The following NPHP3 variants were observed in gnomAD, a reference collection of about 807,000 sequenced individuals.
NPHP3 encodes the protein nephrocystin-3.
NPHP3 carries 123 observed loss-of-function variants against 171.9 expected under a neutral mutation model. The observed-to-expected ratio is 0.72, with a 90% confidence interval of 0.62 to 0.83. The LOEUF is 0.83. Ranked by LOEUF, NPHP3 falls within the 40% of genes least tolerant of loss-of-function variation. NPHP3 has a pLI of 0.00. For missense variants in NPHP3, 1,506 were observed against 1,591.9 expected (o/e 0.95, Z 0.92); for synonymous variants, 558 against 579.2 (o/e 0.96, Z 0.52).
intron 13 of NPHP3, among the ~76,000 whole-genome samples, chr3:132,698,249 G>T (rs1340181352): frequency 2.0e-5 from 3 of 152,060 alleles, no homozygotes; most frequent in African/African-American, 4.8e-5. Flanking sequence ...AAAGTGTTGG[G>T]ATTACAGGCA....
At chr3:132,694,777 C>A (rs1001475010) in intron 16 of NPHP3, 50 bp downstream of exon 16, 3 of 1,596,592 alleles carry the variant, frequency 1.9e-6, no homozygotes, top group Non-Finnish European at 2.6e-6. Flanking sequence ...TCCATTCACA[C>A]ACACACAAAG....
rs146890274 is a variant in NPHP3 at position 132,686,308 on chromosome 3, C to T, written c.3281G>A (p.Arg1094Gln). ...GAGAACACCCAGTTCATTGAGGGTC[C>T]GAGCATTATCAGGTGTGTCCTTACC... Reference protein sequence around the residue: ...TLGKDTPDNARTLNELGVLYY... With the variant: ...TLGKDTPDNAQTLNELGVLYY... Residue 1094 changes from arginine (R) to glutamine (Q), a missense_variant, in exon 23 of 27, where the codon CGG becomes CAG. Transcript: ENST00000337331. The T allele has an allele frequency of 9.2e-4, 1,487 of 1,613,696 alleles. No individual in the cohort carries two copies. Among genetic ancestry groups the T allele is most frequent in the Non-Finnish European group, 1.2e-3 (1,410 of 1,179,746 alleles).
At chr3:132,689,036 C>T (rs2107967906) in intron 20 of NPHP3, 38 bp downstream of exon 20, 2 of 1,613,410 alleles carry the variant, frequency 1.2e-6, no homozygotes, top group South Asian at 2.2e-5. Context: ...ACAAAAATCC[C>T]ACCTGTCTCT....
Position 132,722,404 on chromosome 3 carries a change from CGG to C in NPHP3, c.-51_-50del, listed in dbSNP as rs755124945. On this transcript the variant is annotated 5_prime_UTR_variant, in exon 1 of 27. Coordinates refer to ENST00000337331, the MANE Select transcript of NPHP3 (RefSeq NM_153240.5). ...AGTGAGTACCAGCAGGACTGGGCAG[CGG>C]AACGGAACGGGACGGGGTGGGGCAG... The C allele has an allele frequency of 1.3e-6, 2 of 1,511,956 alleles. No homozygotes were observed. The highest frequency in any genetic ancestry group is 1.8e-6 in the Non-Finnish European group (2 of 1,134,474). 93.7% of individuals were successfully genotyped at this position (1,511,956 alleles called of 1,614,324 possible).
Position 132,713,153 on chromosome 3 carries a change from ATAAC to A in NPHP3, c.1087_1090del (p.Val363PhefsTer6), listed in dbSNP as rs1576682880. 6.1e-6 allele frequency: 9 copies of A among 1,486,364 alleles called. No individual in the cohort carries two copies. The highest frequency in any genetic ancestry group is 8.3e-6 in the Non-Finnish European group (9 of 1,078,052). 92.1% of individuals were successfully genotyped at this position (1,486,364 alleles called of 1,614,324 possible). A position where few individuals can be genotyped will look rare whatever the true frequency, so the allele number is the denominator to read the frequency against. On this transcript the variant is annotated frameshift_variant, in exon 6 of 27. Transcript: ENST00000337331. LOFTEE classifies it high-confidence loss of function. ...TGGTAATGTTAAGTGAATAAATAAAATAACTAAAGAACTTTTCTCAATTTCCCAT... is the reference window on the plus strand; with the variant it reads ...TGGTAATGTTAAGTGAATAAATAAAATAAAGAACTTTTCTCAATTTCCCAT...
chr3:132,700,561 G>A (rs1576672834), intron 10 of NPHP3, 113 bp from the exon 11 acceptor site: 1 of 597,576 alleles, frequency 1.7e-6, no homozygotes, highest in Admixed American at 3.2e-5. Context: ...GCAATCAGGT[G>A]GTCAGTTACT....
intron 25 of NPHP3, 117 bp downstream of exon 25, chr3:132,683,282 A>G (rs1170409852): frequency 1.0e-6 from 1 of 965,854 alleles, no homozygotes; most frequent in South Asian, 1.4e-5. Flanking sequence ...AGGAAGTATT[A>G]GAAATATCCT....
At chr3:132,712,639 G>A (rs1332831012) in intron 6 of NPHP3, among the ~76,000 whole-genome samples, 3 of 152,040 alleles carry the variant, frequency 2.0e-5, no homozygotes, top group Non-Finnish European at 1.5e-5. Flanking sequence ...GGTGGTGGGC[G>A]CCTATAGTCC....
chr3:132,692,291 A>G (rs1400305983), intron 17 of NPHP3, among the ~76,000 whole-genome samples: 1 of 152,208 alleles, frequency 6.6e-6, no homozygotes, highest in Non-Finnish European at 1.5e-5. Flanking sequence ...ACATATCCCC[A>G]TTGTTAAGCA....
Position 132,695,043 on chromosome 3 carries a change from C to T in NPHP3, c.2172-78G>A, listed in dbSNP as rs79047540. The T allele has an allele frequency of 0.064, 88,655 of 1,392,882 alleles. 3,189 individuals are homozygous for T. Among genetic ancestry groups the T allele is most frequent in the African/African-American group, 0.11 (7,722 of 70,558 alleles). The allele number at this position is 1,392,882 out of a possible 1,614,324, so 86.3% of individuals were successfully genotyped here. ...AAATTTTGAGATCGATTAAAAACAA[C>T]GTGAACTCTATTTTTTGTACTGCAA... On this transcript the variant is annotated intron_variant, in intron 15 of 26. Coordinates refer to ENST00000337331, the MANE Select transcript of NPHP3 (RefSeq NM_153240.5).
At position 132,681,899 on chromosome 3, in the gene NPHP3, A is replaced by G. The variant is rs1433937574; in HGVS notation, c.*11T>C. The stretch of plus-strand genomic sequence containing the variant: ...TTAAGGTACATTTGCAAAGAATTCT[A>G]ACTGCTGCTATTACCTTTGTCCTTG... On this transcript the variant is annotated 3_prime_UTR_variant, in exon 27 of 27. Transcript: ENST00000337331. 6.2e-7 allele frequency: 1 copy of G among 1,610,102 alleles called. No individual in the cohort carries two copies. Among genetic ancestry groups the G allele is most frequent in the East Asian group, 2.2e-5 (1 of 44,838 alleles).
In NPHP3 at chr3:132,682,035, T is replaced by A; in HGVS notation, c.3868A>T (p.Ile1290Leu). 6.2e-7 allele frequency: 1 copy of A among 1,614,138 alleles called. No homozygotes were observed. The highest frequency in any genetic ancestry group is 8.5e-7 in the Non-Finnish European group (1 of 1,179,980). Residue 1290 changes from isoleucine (I) to leucine (L), a missense_variant, in exon 27 of 27, where the codon ATA (isoleucine) becomes TTA (leucine). Physicochemically the swap from Ile to Leu is conservative, Grantham distance 5. Around this residue, in one of 3 missense-constraint regions of NPHP3, gnomAD observed 569 missense variants for 648.1 expected, o/e 0.88. Transcript: ENST00000337331. The stretch of plus-strand genomic sequence containing the variant: ...AAGAGTGATGTTTCTGCTTCTTTTA[T>A]TTCCATTGCCCTTTTGTATAATTCA... ...AAELYKRAME[I>L]KEAETSLLGG... is the part of the protein sequence containing the mutation.
chr3:132,681,981 A>T lies in NPHP3; in HGVS notation c.3922T>A (p.Ser1308Thr). The T allele has an allele frequency of 1.9e-6, 3 of 1,614,120 alleles. No homozygotes were observed. Among genetic ancestry groups the T allele is most frequent in the Non-Finnish European group, 2.5e-6 (3 of 1,179,954 alleles). The change falls in exon 27 of 27, where the codon TCA (serine) becomes ACA (threonine). Residue 1308 changes from serine to threonine, a missense_variant. By Grantham distance (58) the Ser-to-Thr change is moderately conservative. This residue lies in a region of NPHP3 where 569 missense variants were observed against 648.1 expected (regional missense o/e 0.88). Coordinates refer to ENST00000337331, the MANE Select transcript of NPHP3 (RefSeq NM_153240.5). ...LGGKAPSRHS[S>T]SGDTFSLKTA... ...TTTAAGCTAAACGTGTCTCCACTTG[A>T]TGAATGGCGTGAAGGAGCTTTTCCA...
rs1416876931 is a variant in NPHP3 at position 132,684,731 on chromosome 3, G to A, written c.3393C>T (p.His1131=). ...EMRERVLGPD[H]PDCAQSLNNL... is the part of the protein sequence containing the mutation. ...TATTCAAAGACTGAGCACAGTCAGG[G>A]TGATCTGGTCCTAGAACTCGCTCCC... The change falls in exon 24 of 27, where the codon CAC becomes CAT. Residue 1131 remains histidine (H), a synonymous_variant. Coordinates refer to ENST00000337331, the MANE Select transcript of NPHP3 (RefSeq NM_153240.5). The A allele has an allele frequency of 3.1e-6, 5 of 1,614,026 alleles. No homozygotes were observed. Among genetic ancestry groups the A allele is most frequent in the South Asian group, 1.1e-5 (1 of 91,078 alleles).
At chr3:132,710,224 C>T (rs988384946) in intron 6 of NPHP3, among the ~76,000 whole-genome samples, 3 of 151,860 alleles carry the variant, frequency 2.0e-5, no homozygotes, top group Admixed American at 1.3e-4. Flanking sequence ...GAAGATGTAG[C>T]TTTGTGGGGC....
Position 132,691,174 on chromosome 3 carries a change from CAG to C in NPHP3, c.2570+16_2570+17del. On this transcript the variant is annotated intron_variant, in intron 18 of 26. Transcript: ENST00000337331. ...TGTTGCAGAAGTTACAGAAGAACAA[CAG>C]GAACATTTACAATACCTTAGCTGCA... 1 of 1,574,746 alleles carries C rather than the reference CAG, an allele frequency of 6.4e-7. No individual in the cohort carries two copies. The highest frequency in any genetic ancestry group is 8.7e-7 in the Non-Finnish European group (1 of 1,144,386).
At chr3:132,708,494 A>G (rs913057666) in intron 6 of NPHP3, among the ~76,000 whole-genome samples, 1 of 152,264 alleles carries the variant, frequency 6.6e-6, no homozygotes. Flanking sequence ...TAAATTATGC[A>G]TTAAATTGTA....
intron 15 of NPHP3, 91 bp downstream of exon 15, chr3:132,696,640 G>T (rs1404845499): frequency 7.4e-6 from 8 of 1,076,748 alleles, no homozygotes; most frequent in Non-Finnish European, 1.0e-5. Context: ...ACAGACTGGT[G>T]TAGTGATCAG....
rs115547293 is a variant in NPHP3 at position 132,690,413 on chromosome 3, T to C, written c.2693+115A>G. The C allele has an allele frequency of 1.5e-3, 1,472 of 973,696 alleles. 25 individuals carry two copies. In the African/African-American group the frequency reaches 0.022, roughly 15 times the overall value. 60.3% of individuals were successfully genotyped at this position (973,696 alleles called of 1,614,324 possible). A position where few individuals can be genotyped will look rare whatever the true frequency, so the allele number is the denominator to read the frequency against. Reference sequence around the variant, plus strand: ...TGTCTCAAGATTTCTCCTACACTATTTGTATTTCAGATACTTAGACTAATT... The same window carrying C: ...TGTCTCAAGATTTCTCCTACACTATCTGTATTTCAGATACTTAGACTAATT... On this transcript the variant is annotated intron_variant, in intron 19 of 26. Coordinates refer to ENST00000337331, the MANE Select transcript of NPHP3 (RefSeq NM_153240.5).
Sources: allele counts gnomAD v4.1 joint callset (sites outside exome capture counted in the v4.1 genomes callset), GRCh38; gene constraint gnomAD v4.1.1; regional missense constraint gnomAD v4.1.1; transcripts MANE v1.5; gene names NCBI Gene and HGNC (gene_info 2026-07-23, HGNC 2026-07-21).